TNNT2: variants seen among roughly 807,000 people sequenced by gnomAD.
TNNT2 encodes troponin T, cardiac muscle.
TNNT2 carries 34 observed loss-of-function variants against 62.4 expected under a neutral mutation model. That is an observed-to-expected ratio of 0.54 (90% CI 0.41 to 0.72). The LOEUF is 0.72. Ranked by LOEUF, TNNT2 falls within the 30% of genes least tolerant of loss-of-function variation. TNNT2 has a pLI of 0.00. For synonymous variants in TNNT2, 123 were observed against 127.2 expected, an observed-to-expected ratio of 0.97 and a Z score of 0.22; for missense variants, 275 against 381.9, an observed-to-expected ratio of 0.72 and a Z score of 2.33.
chr1:201,377,673 CG>C lies in TNNT2; in HGVS notation c.-66del, dbSNP rs1204341712. The C allele has an allele frequency of 2.2e-6, 1 of 455,576 alleles. No individual in the cohort carries two copies. The highest frequency in any genetic ancestry group is 2.0e-5 in the African/African-American group (1 of 49,906). The allele number at this position is 455,576 out of a possible 1,614,324, so 28.2% of individuals were successfully genotyped here. On this transcript the variant is annotated 5_prime_UTR_variant, in exon 1 of 17. Transcript: ENST00000656932. ...CCTGGAGGCGTCTGCTCAGTCTCAG[CG>C]GGGACTGGGTGAGGCAGAGGATGGA...
intron 9 of TNNT2, 29 bp from the exon 10 acceptor site, chr1:201,365,336 C>T (rs764201053): frequency 2.3e-5 from 36 of 1,583,434 alleles, no homozygotes; most frequent in Non-Finnish European, 3.0e-5. Flanking sequence ...GGCTCAGAGG[C>T]TGCCACTCCA....
chr1:201,364,585 A>G (rs1218252772), intron 10 of TNNT2, among the ~76,000 whole-genome samples: 1 of 152,144 alleles, frequency 6.6e-6, no homozygotes, highest in Non-Finnish European at 1.5e-5. Flanking sequence ...CACCTCCAAC[A>G]TTCCTCATGG....
chr1:201,362,505 TTCAGATACTCGCTGTAG>T, intron 12 of TNNT2, 111 bp from the exon 13 acceptor site: 1 of 1,384,590 alleles, frequency 7.2e-7, no homozygotes, highest in Non-Finnish European at 1.0e-6. Context: ...GAAGAGAAGA[TTCAGATACTCGCTGTAG>T]TCAGCCGGGT....
chr1:201,372,828 A>C (rs1380952080), intron 2 of TNNT2, among the ~76,000 whole-genome samples: 1 of 152,178 alleles, frequency 6.6e-6, no homozygotes, highest in Non-Finnish European at 1.5e-5. Flanking sequence ...ACAGGGTGAT[A>C]ACACTGGGTT....
intron 16 of TNNT2, 50 bp from the exon 17 acceptor site, chr1:201,359,305 G>A: frequency 6.3e-7 from 1 of 1,594,912 alleles, no homozygotes; most frequent in Non-Finnish European, 8.5e-7. Flanking sequence ...CAGGGTAGTA[G>A]GTCACCATGC....
At chr1:201,373,022 T>A in intron 2 of TNNT2, 192 bp downstream of exon 2, 1 of 722,718 alleles carries the variant, frequency 1.4e-6, no homozygotes, top group Non-Finnish European at 2.5e-6. Context: ...TCTCGGCCTG[T>A]GCTCTGCCTG....
intron 1 of TNNT2, chr1:201,374,117 C>A (rs1280681861): frequency 6.6e-6 from 1 of 152,222 alleles, no homozygotes; most frequent in Non-Finnish European, 1.5e-5. Context: ...TGAATAAGAT[C>A]ATAGATTGAT....
chr1:201,367,133 C>A (rs1659812320), intron 7 of TNNT2: 4 of 597,786 alleles, frequency 6.7e-6, no homozygotes, highest in Non-Finnish European at 9.0e-6. Context: ...CCTTCTCTCA[C>A]TCACCAGTTC....
chr1:201,372,648 A>G (rs1660820346), intron 2 of TNNT2, among the ~76,000 whole-genome samples: 1 of 152,196 alleles, frequency 6.6e-6, no homozygotes, highest in African/African-American at 2.4e-5. Context: ...ATGTCTTAAC[A>G]TCTCAACAAG....
At position 201,366,184 on chromosome 1, in the gene TNNT2, T is replaced by C. The variant is rs544146112; in HGVS notation, c.234-514A>G. On this transcript the variant is annotated intron_variant, in intron 8 of 16. Transcript: ENST00000656932. ...GTGGAGCTGAAATGAGATACCGCAG[T>C]GCACAAGAGGCCAGGAAGGGGGAAG... The C allele has an allele frequency of 3.0e-5, 31 of 1,041,672 alleles. No individual in the cohort carries two copies. The East Asian group carries it at 2.1e-3, about 72-fold the overall frequency. The allele number at this position is 1,041,672 out of a possible 1,614,324, so 64.5% of individuals were successfully genotyped here.
Position 201,365,644 on chromosome 1 carries a change from G to A in TNNT2, c.260C>T (p.Pro87Leu), listed in dbSNP as rs144900708. The change falls in exon 9 of 17, where the codon CCC becomes CTC. Residue 87 changes from proline to leucine, a missense_variant. Coordinates refer to ENST00000656932, the MANE Select transcript of TNNT2 (RefSeq NM_001276345.2). Reference sequence around the variant, plus strand: ...CACTCTCTCTCCATCGGGGATCTTGGGAGGCACCAAGTTGGGCATGAACGA... The same window carrying A: ...CACTCTCTCTCCATCGGGGATCTTGAGAGGCACCAAGTTGGGCATGAACGA... ...PRSFMPNLVP[P>L]KIPDGERVDF... 33 of 1,613,898 alleles carry A rather than the reference G, an allele frequency of 2.0e-5. No homozygotes were observed. Among genetic ancestry groups the A allele is most frequent in the Admixed American group, 1.3e-4 (8 of 59,978 alleles).
intron 14 of TNNT2, 85 bp downstream of exon 14, chr1:201,361,828 G>T: frequency 1.6e-6 from 2 of 1,251,442 alleles, no homozygotes; most frequent in Non-Finnish European, 2.4e-6. Context: ...GCCCTCTGGT[G>T]GCTCACAGCA....
chr1:201,359,706 A>G (rs1223784546), intron 15 of TNNT2, 43 bp from the exon 16 acceptor site: 4 of 1,561,482 alleles, frequency 2.6e-6, no homozygotes, highest in Non-Finnish European at 3.5e-6. Flanking sequence ...GCTGGAGCTG[A>G]CTGGCTCAGG....
intron 16 of TNNT2, 65 bp downstream of exon 16, chr1:201,359,558 T>C: frequency 6.7e-6 from 10 of 1,492,296 alleles, no homozygotes; most frequent in Non-Finnish European, 9.2e-6. Context: ...AGGAATGGGA[T>C]AGCTGGAAGG....
chr1:201,372,104 G>C, intron 3 of TNNT2, 41 bp downstream of exon 3: 1 of 1,614,150 alleles, frequency 6.2e-7, no homozygotes, highest in African/African-American at 1.3e-5. Context: ...TTTCGAACCA[G>C]GCTGTCTTTG....
chr1:201,372,923 C>T (rs1416318840), intron 2 of TNNT2, among the ~76,000 whole-genome samples: 1 of 152,212 alleles, frequency 6.6e-6, no homozygotes, highest in African/African-American at 2.4e-5. Context: ...GGAGACCCAA[C>T]ATCTCAGCTT....
At chr1:201,360,216 C>G (rs1263919425) in intron 15 of TNNT2, among the ~76,000 whole-genome samples, 1 of 152,212 alleles carries the variant, frequency 6.6e-6, no homozygotes, top group Non-Finnish European at 1.5e-5. Flanking sequence ...ATGGCTGACA[C>G]CTGCTGAGCA....
intron 1 of TNNT2, chr1:201,375,179 G>C (rs60086234): frequency 0.091 from 13,852 of 152,320 alleles, 1,185 homozygotes; most frequent in East Asian, 0.23. Context: ...TGGGTGGGGT[G>C]ATGTCCAGAG....
chr1:201,368,378 CT>C lies in TNNT2; in HGVS notation c.98-152del, dbSNP rs370748496. ...TGGGGGCAACCAACGTGCTGGGGGGCTGCCATTCTTGGTTTTGACTGTCGGC... is the reference window on the plus strand; with the variant it reads ...TGGGGGCAACCAACGTGCTGGGGGGCGCCATTCTTGGTTTTGACTGTCGGC... On this transcript the variant is annotated intron_variant, in intron 5 of 16. Transcript: ENST00000656932. The C allele has an allele frequency of 3.8e-5, 30 of 792,404 alleles. 1 individual carries two copies. The African/African-American group carries it at 4.9e-4, about 13-fold the overall frequency. 49.1% of individuals were successfully genotyped at this position (792,404 alleles called of 1,614,324 possible). A position where few individuals can be genotyped will look rare whatever the true frequency, so the allele number is the denominator to read the frequency against.
Sources: allele counts gnomAD v4.1 joint callset (sites outside exome capture counted in the v4.1 genomes callset), GRCh38; gene constraint gnomAD v4.1.1; transcripts MANE v1.5; gene names NCBI Gene and HGNC (gene_info 2026-07-23, HGNC 2026-07-21).